Variants in CORO7 observed in about 807,000 individuals in gnomAD.
CORO7 encodes the protein coronin 7, also known as coronin-7.
Under a neutral mutation model 126.6 loss-of-function variants are expected in CORO7, and 107 were observed. The observed-to-expected ratio is 0.85, with a 90% CI of 0.72 to 0.99. CORO7 has a LOEUF of 0.99. Among genes scored for constraint, CORO7 ranks in the 50% least tolerant of loss-of-function variants. CORO7 has a pLI of 0.00. For synonymous variants in CORO7, 603 were observed against 536.8 expected (o/e 1.12, Z -1.70); for missense variants, 1,314 against 1,255.8 (o/e 1.05, Z -0.70).
intron 9 of CORO7, among the ~76,000 whole-genome samples, chr16:4,369,722 C>T (rs376832972): frequency 3.3e-5 from 5 of 152,312 alleles, no homozygotes; most frequent in African/African-American, 1.2e-4. Context: ...CCATCCCTCC[C>T]GCTCAGGCCC....
chr16:4,392,628 C>A lies in CORO7; in HGVS notation c.615+2661G>T, dbSNP rs191490629. Among the ~76,000 whole-genome samples, 17 of 152,310 alleles carry A rather than the reference C, an allele frequency of 1.1e-4. No homozygotes were observed. The East Asian group carries it at 3.3e-3, about 29-fold the overall frequency. ...GGATGGAGGGCAGGCGGCCCCGCTC[C>A]CTGACCCCCAGCCACACCCCACTAG... On this transcript the variant is annotated intron_variant, in intron 7 of 27. Coordinates refer to ENST00000251166, the MANE Select transcript of CORO7 (RefSeq NM_024535.5).
chr16:4,359,748 G>T (rs953354657), intron 21 of CORO7, 127 bp from the exon 22 acceptor site: 9 of 1,235,412 alleles, frequency 7.3e-6, no homozygotes, highest in Non-Finnish European at 9.8e-6. Context: ...GCCCGGCACC[G>T]CAGCCACATC....
chr16:4,399,472 T>C lies in CORO7; in HGVS notation c.565-4133A>G, dbSNP rs765584706. ...AAAATTATAGACACAGAAAGTGGAA[T>C]GCCAATTCCTAGGGGCCGGGAGGTA... On this transcript the variant is annotated intron_variant, in intron 6 of 27. Coordinates refer to ENST00000251166, the MANE Select transcript of CORO7 (RefSeq NM_024535.5). 2.6e-5 allele frequency among the ~76,000 whole-genome samples: 4 copies of C among 152,206 alleles called. No individual in the cohort carries two copies. The South Asian group carries it at 8.3e-4, about 31-fold the overall frequency.
intron 2 of CORO7, chr16:4,412,835 G>A (rs11647946): frequency 0.6 from 148,686 of 246,532 alleles, 49,107 homozygotes; most frequent in Non-Finnish European, 0.71. Context: ...TTTGGGCACC[G>A]ATCTGCCTGA....
At position 4,362,267 on chromosome 16, in the gene CORO7, A is replaced by G; in HGVS notation, c.1403-107T>C. On this transcript the variant is annotated intron_variant, in intron 15 of 27. Transcript: ENST00000251166. This position sits in a 1 kb window ranked among gnomAD's most constrained non-coding sequence, Gnocchi z 5.3. ...CTCCCCTCACCCCAGGTGGATGTAC[A>G]GCATGGACCTAGGCCCAGGCCTTTG... The G allele has an allele frequency of 6.9e-7, 1 of 1,440,446 alleles. No individual in the cohort carries two copies. The highest frequency in any genetic ancestry group is 2.6e-5 in the Admixed American group (1 of 38,566). 89.2% of individuals were successfully genotyped at this position (1,440,446 alleles called of 1,614,324 possible). A position where few individuals can be genotyped will look rare whatever the true frequency, so the allele number is the denominator to read the frequency against.
At chr16:4,373,082 G>T (rs2054591441) in intron 9 of CORO7, among the ~76,000 whole-genome samples, 1 of 152,120 alleles carries the variant, frequency 6.6e-6, no homozygotes, top group Admixed American at 6.5e-5. Context: ...AGTCCAGGGG[G>T]CAGCAAAGTC....
chr16:4,390,587 G>T (rs1567284519), intron 7 of CORO7, among the ~76,000 whole-genome samples: 1 of 152,218 alleles, frequency 6.6e-6, no homozygotes, highest in Non-Finnish European at 1.5e-5. Context: ...TGGGGACGAG[G>T]GAGGCGGAGG....
chr16:4,360,791 C>T, intron 19 of CORO7, 152 bp downstream of exon 19: 1 of 1,459,234 alleles, frequency 6.9e-7, no homozygotes, highest in Non-Finnish European at 9.1e-7. Context: ...ACCACTGGCC[C>T]CCCTCTCCTC....
At position 4,364,353 on chromosome 16, in the gene CORO7, C is replaced by T. The variant is rs762984005; in HGVS notation, c.1198G>A (p.Val400Met). ...RPHPSFTSCL[V>M]PPAEPLPDTA... ...TCAGGGAGGGGCTCCGCAGGGGGCA[C>T]CAGACAGGAAGTGAAGCTCGGGTGG... The change falls in exon 14 of 28, where the codon GTG becomes ATG. Residue 400 changes from valine to methionine, a missense_variant. Val to Met is a conservative substitution (Grantham distance 21, BLOSUM62 1). Coordinates refer to ENST00000251166, the MANE Select transcript of CORO7 (RefSeq NM_024535.5). 20 of 1,526,494 alleles carry T rather than the reference C, an allele frequency of 1.3e-5. No individual in the cohort carries two copies. In the African/African-American group the frequency reaches 2.1e-4, roughly 16 times the overall value. 94.6% of individuals were successfully genotyped at this position (1,526,494 alleles called of 1,614,324 possible). A position where few individuals can be genotyped will look rare whatever the true frequency, so the allele number is the denominator to read the frequency against.
intron 4 of CORO7, among the ~76,000 whole-genome samples, 164 bp downstream of exon 4, chr16:4,408,017 G>A (rs1196535112): frequency 6.6e-6 from 1 of 152,200 alleles, no homozygotes; most frequent in African/African-American, 2.4e-5. Context: ...AAGCCCTTGG[G>A]AGCCAGTGTG....
At chr16:4,355,506 C>T in intron 26 of CORO7, 134 bp from the exon 27 acceptor site, 1 of 1,017,868 alleles carries the variant, frequency 9.8e-7, no homozygotes, top group African/African-American at 1.6e-5. Context: ...GCTCTGTCGC[C>T]CAGGCTGGAT....
At chr16:4,383,057 G>A (rs1023628932) in intron 9 of CORO7, 6 of 795,352 alleles carry the variant, frequency 7.5e-6, no homozygotes, top group African/African-American at 5.4e-5. Context: ...TCTGGACCTC[G>A]GTCTCCTCAT....
At chr16:4,368,472 C>T (rs529876410) in intron 9 of CORO7, among the ~76,000 whole-genome samples, 3 of 151,110 alleles carry the variant, frequency 2.0e-5, no homozygotes, top group African/African-American at 4.9e-5. Flanking sequence ...AAGATCGCAT[C>T]GCCAGCTGGG....
chr16:4,394,056 G>A (rs1247330100), intron 7 of CORO7, among the ~76,000 whole-genome samples: 1 of 151,586 alleles, frequency 6.6e-6, no homozygotes. Context: ...AGCCGAGATT[G>A]CGCCACTGCC....
chr16:4,373,400 C>T lies in CORO7; in HGVS notation c.786-7855G>A, dbSNP rs750088254. Among the ~76,000 whole-genome samples the T allele has an allele frequency of 6.4e-4, 97 of 152,152 alleles. 1 individual carries two copies. Among genetic ancestry groups the T allele is most frequent in the Non-Finnish European group, 1.0e-3 (71 of 68,014 alleles). ...GCACGTTGGAACAGCTGTCCTGCTA[C>T]CTGTGGGTCCGGAGGGTCAGATGGG... On this transcript the variant is annotated intron_variant, in intron 9 of 27. Coordinates refer to ENST00000251166, the MANE Select transcript of CORO7 (RefSeq NM_024535.5).
intron 6 of CORO7, among the ~76,000 whole-genome samples, chr16:4,400,801 A>AATAAT (rs924261980): frequency 6.9e-6 from 1 of 144,658 alleles, no homozygotes; most frequent in African/African-American, 2.6e-5. Context: ...GCAGTGCAAT[A>AATAAT]ATAATAATAA....
chr16:4,394,377 A>C (rs2055504910), intron 7 of CORO7, among the ~76,000 whole-genome samples: 1 of 149,256 alleles, frequency 6.7e-6, no homozygotes, highest in Non-Finnish European at 1.5e-5. Context: ...TGAACCCAGG[A>C]GGCGGAACTT....
intron 25 of CORO7, chr16:4,357,759 G>T: frequency 1.3e-6 from 1 of 777,074 alleles, no homozygotes; most frequent in Non-Finnish European, 2.0e-6. Flanking sequence ...GTGCGTGTGT[G>T]TGTGTGTTAG....
At chr16:4,374,397 C>A (rs1392516257) in intron 9 of CORO7, among the ~76,000 whole-genome samples, 2 of 151,970 alleles carry the variant, frequency 1.3e-5, no homozygotes, top group Non-Finnish European at 2.9e-5. Flanking sequence ...CGGTTTTGGG[C>A]AGGGGGTGGG....
Sources: gnomAD v4.1 joint callset for allele counts (sites outside exome capture counted in the v4.1 genomes callset) on GRCh38, gnomAD v4.1.1 for gene constraint, Gnocchi (gnomAD v3.1) non-coding constraint, MANE v1.5 for transcripts, NCBI Gene and HGNC (gene_info 2026-07-23, HGNC 2026-07-21) for gene names.